The following DLC1 variants were observed in gnomAD, a reference collection of about 807,000 sequenced individuals.
The protein encoded by DLC1 is DLC1 Rho GTPase activating protein.
A neutral mutation model predicts 140.3 loss-of-function variants in DLC1; 54 were observed. That is an observed-to-expected ratio of 0.38 (90% confidence interval 0.31 to 0.48). DLC1 has a LOEUF of 0.48. Ranked by LOEUF, DLC1 falls within the 20% of genes least tolerant of loss-of-function variation. The pLI, the probability that DLC1 is intolerant of heterozygous loss-of-function variation, is 0.96. For synonymous variants in DLC1, 986 were observed against 728.1 expected (o/e 1.35, Z -5.70); for missense variants, 2,536 against 1,907.0 (o/e 1.33, Z -6.14).
intron 4 of DLC1, among the ~76,000 whole-genome samples, chr8:13,350,977 A>T (rs1176035579): frequency 6.6e-6 from 1 of 152,184 alleles, no homozygotes; most frequent in Non-Finnish European, 1.5e-5. Context: ...CATGAAGTAG[A>T]CTTTCTGAAG....
intron 1 of DLC1, among the ~76,000 whole-genome samples, chr8:13,588,023 T>C (rs80321840): frequency 0.15 from 22,308 of 151,946 alleles, 1,737 homozygotes; most frequent in African/African-American, 0.19. Flanking sequence ...ATTATATAGG[T>C]CCTACTTCAG....
intron 1 of DLC1, among the ~76,000 whole-genome samples, chr8:13,549,289 A>C (rs1337717829): frequency 6.6e-6 from 1 of 152,110 alleles, no homozygotes; most frequent in African/African-American, 2.4e-5. Flanking sequence ...CAAGTAAAAC[A>C]ATTGTATGAA....
At chr8:13,464,893 C>G (rs1799862760) in intron 2 of DLC1, among the ~76,000 whole-genome samples, 1 of 151,646 alleles carries the variant, frequency 6.6e-6, no homozygotes, top group African/African-American at 2.4e-5. Context: ...ACCACCACTA[C>G]TACTACTATT....
In DLC1 at chr8:13,348,688, A is replaced by G. The variant is rs74658111; in HGVS notation, c.1315-43386T>C. On this transcript the variant is annotated intron_variant, in intron 4 of 17. Transcript: ENST00000276297. ...TCACCTATCTTAAAGCCCTCTCAAA[A>G]CACATTATAGTGAAGAAGGAAGAAA... Among the ~76,000 whole-genome samples, 1,223 of 152,312 alleles carry G rather than the reference A, an allele frequency of 8.0e-3. 51 individuals carry two copies. Among genetic ancestry groups the G allele is most frequent in the Admixed American group, 0.07 (1,073 of 15,292 alleles).
intron 5 of DLC1, among the ~76,000 whole-genome samples, chr8:13,132,789 C>T (rs1822222991): frequency 6.6e-6 from 1 of 152,250 alleles, no homozygotes. Context: ...ATCCCCACAC[C>T]ACCTCCAAGA....
At chr8:13,470,158 G>A (rs979665515) in intron 2 of DLC1, among the ~76,000 whole-genome samples, 3 of 151,910 alleles carry the variant, frequency 2.0e-5, no homozygotes, top group African/African-American at 7.3e-5. Context: ...TGATACAGCT[G>A]GAAAGGAAGA....
upstream of DLC1, among the ~76,000 whole-genome samples, chr8:13,519,333 T>C (rs1350270964): frequency 6.6e-6 from 1 of 152,166 alleles, no homozygotes; most frequent in African/African-American, 2.4e-5. Context: ...TTTCACCGTG[T>C]TAGCCAGGAT....
chr8:13,298,301 G>A (rs1346068432), intron 5 of DLC1, among the ~76,000 whole-genome samples: 1 of 152,216 alleles, frequency 6.6e-6, no homozygotes, highest in South Asian at 2.1e-4. Context: ...CCCTTTACAC[G>A]TTTCTGTGGC....
At chr8:13,244,297 A>AT (rs60357765) in intron 5 of DLC1, among the ~76,000 whole-genome samples, 7,606 of 135,976 alleles carry the variant, frequency 0.056, 261 homozygotes, top group South Asian at 0.072. Flanking sequence ...TCCCTTTCCA[A>AT]TTTTTTTTTT....
rs556535756 is a variant in DLC1, at chr8:13,594,876, A to G, written c.-126+9661T>C. ...ATTTTATGCAAGGCATGTATAAGTT[A>G]CAATTTATTTCACCGTCCCTTTCAG... is the stretch of plus-strand genomic sequence containing the variant. On this transcript the variant is annotated intron_variant, in intron 1 of 1. Coordinates refer to the DLC1 transcript ENST00000631382. Among the ~76,000 whole-genome samples the G allele has an allele frequency of 2.6e-5, 4 of 152,076 alleles. 1 individual carries two copies. In the South Asian group the frequency reaches 8.3e-4, roughly 32 times the overall value.
At position 13,288,245 on chromosome 8, in the gene DLC1, T is replaced by C. The variant is rs187931983; in HGVS notation, c.1348+17024A>G. ...ATAGTGTATCATTTAAAAATAATTG[T>C]TTTTGTTTTCCTTTAATACAGAACT... On this transcript the variant is annotated intron_variant, in intron 5 of 17. Transcript: ENST00000276297. 4.6e-5 allele frequency among the ~76,000 whole-genome samples: 7 copies of C among 152,320 alleles called. No individual in the cohort carries two copies. In the Middle Eastern group the frequency reaches 0.01, roughly 222 times the overall value.
At chr8:13,092,949 A>G (rs1585585980) in intron 12 of DLC1, 124 bp from the exon 13 acceptor site, 5 of 1,021,086 alleles carry the variant, frequency 4.9e-6, no homozygotes, top group East Asian at 2.6e-5. Context: ...ACTTGTAGAA[A>G]GTGCACTAGA....
chr8:13,253,238 T>C (rs1359934598), intron 5 of DLC1, among the ~76,000 whole-genome samples: 1 of 152,234 alleles, frequency 6.6e-6, no homozygotes, highest in Non-Finnish European at 1.5e-5. Flanking sequence ...GATAAATTAA[T>C]AGACATAGAT....
chr8:13,372,280 T>C (rs1835764957), intron 4 of DLC1, among the ~76,000 whole-genome samples: 1 of 152,092 alleles, frequency 6.6e-6, no homozygotes, highest in South Asian at 2.1e-4. Flanking sequence ...GAGCCAAAGG[T>C]TCAAAATCAT....
intron 4 of DLC1, among the ~76,000 whole-genome samples, chr8:13,346,872 A>G (rs2117010980): frequency 6.6e-6 from 1 of 152,326 alleles, no homozygotes; most frequent in South Asian, 2.1e-4. Flanking sequence ...AGCAGTCCCC[A>G]TTTATCCATG....
intron 2 of DLC1, among the ~76,000 whole-genome samples, chr8:13,448,411 T>C (rs902162772): frequency 1.3e-5 from 2 of 151,476 alleles, no homozygotes; most frequent in African/African-American, 4.9e-5. Context: ...TCACCCAGGC[T>C]GGAGTGCAGT....
chr8:13,335,413 C>T (rs953791062), intron 4 of DLC1, among the ~76,000 whole-genome samples: 7 of 152,124 alleles, frequency 4.6e-5, no homozygotes, highest in Non-Finnish European at 7.4e-5. Context: ...CTTTTCTCTA[C>T]GGAATACTAA....
At chr8:13,341,584 A>C (rs1777141561) in intron 4 of DLC1, 1 of 152,068 alleles carries the variant, frequency 6.6e-6, no homozygotes, top group Admixed American at 6.6e-5. Flanking sequence ...CCCAGATGGG[A>C]GAATCGCTGC....
At chr8:13,601,917 C>CT (rs909180951) in intron 1 of DLC1, among the ~76,000 whole-genome samples, 1 of 151,780 alleles carries the variant, frequency 6.6e-6, no homozygotes, top group African/African-American at 2.4e-5. Flanking sequence ...AATGTGTCCA[C>CT]TATTTTTCAG....
Sources: allele counts gnomAD v4.1 joint callset (sites outside exome capture counted in the v4.1 genomes callset), GRCh38; gene constraint gnomAD v4.1.1; transcripts MANE v1.5; gene names NCBI Gene and HGNC (gene_info 2026-07-23, HGNC 2026-07-21).